Variants in PPARGC1B observed in about 807,000 individuals in gnomAD.
PPARGC1B encodes PPARG coactivator 1 beta, also known as peroxisome proliferator-activated receptor gamma coactivator 1-beta.
A neutral mutation model predicts 101.6 loss-of-function variants in PPARGC1B; 34 were observed. That is an observed-to-expected ratio of 0.33 (90% CI 0.25 to 0.45). The LOEUF is 0.45. Ranked by LOEUF, PPARGC1B falls within the 20% of genes least tolerant of loss-of-function variation. The pLI is 1.00. For synonymous variants in PPARGC1B, 548 were observed against 539.3 expected (o/e 1.02, Z -0.22); for missense variants, 1,234 against 1,317.6 (o/e 0.94, Z 0.98).
Position 149,730,395 on chromosome 5 carries a change from T to G in PPARGC1B, c.53T>G (p.Phe18Cys), listed in dbSNP as rs781331823. Residue 18 changes from phenylalanine (F) to cysteine (C), a missense_variant, in exon 1 of 12, where the codon TTC becomes TGC. This residue lies in a region of PPARGC1B where 734 missense variants were observed against 768.4 expected (regional missense o/e 0.96). Transcript: ENST00000309241. The surrounding 1 kb of genome is among the most constrained non-coding windows in gnomAD (Gnocchi z 4.0). ...CTGGACGAAGAGCTCTCCTCCTTCT[T>G]CCTCAACTATCTCGCTGACACGCAG... is the stretch of plus-strand genomic sequence containing the variant. Reference protein sequence around the residue: ...ALLDEELSSFFLNYLADTQGG... With the variant: ...ALLDEELSSFCLNYLADTQGG... The G allele has an allele frequency of 6.4e-7, 1 of 1,571,744 alleles. No homozygotes were observed. Among genetic ancestry groups the G allele is most frequent in the South Asian group, 1.2e-5 (1 of 84,642 alleles).
At chr5:149,771,105 T>C (rs977274725) in intron 1 of PPARGC1B, among the ~76,000 whole-genome samples, 1 of 152,080 alleles carries the variant, frequency 6.6e-6, no homozygotes, top group Non-Finnish European at 1.5e-5. Context: ...GAGAGCAGGG[T>C]GAGCGTACAA....
Position 149,833,770 on chromosome 5 carries a change from C to G in PPARGC1B, c.1697C>G (p.Pro566Arg). The change falls in exon 5 of 12, where the codon CCT (proline) becomes CGT (arginine). Residue 566 changes from proline (P) to arginine (R), a missense_variant. Pro to Arg is a moderately radical substitution (Grantham distance 103, BLOSUM62 -2). Around this residue, in one of 3 missense-constraint regions of PPARGC1B, gnomAD observed 734 missense variants for 768.4 expected, o/e 0.96. Coordinates refer to ENST00000309241, the MANE Select transcript of PPARGC1B (RefSeq NM_133263.4). This position sits in a 1 kb window ranked among gnomAD's most constrained non-coding sequence, Gnocchi z 4.1. Reference sequence around the variant, plus strand: ...GAGGACCCCAGCTGCCCGCAGCTCCCTCCCAGAGGTAGTCAGAGTTGGTGG... The same window carrying G: ...GAGGACCCCAGCTGCCCGCAGCTCCGTCCCAGAGGTAGTCAGAGTTGGTGG... The part of the protein sequence containing the change: ...MDEDPSCPQL[P>R]PRDSPRCLML... 6.6e-7 allele frequency: 1 copy of G among 1,523,754 alleles called. No homozygotes were observed. Among genetic ancestry groups the G allele is most frequent in the South Asian group, 1.3e-5 (1 of 77,806 alleles). 94.4% of individuals were successfully genotyped at this position (1,523,754 alleles called of 1,614,324 possible).
chr5:149,740,419 G>A (rs910199621), intron 1 of PPARGC1B, among the ~76,000 whole-genome samples: 22 of 152,212 alleles, frequency 1.4e-4, no homozygotes, highest in African/African-American at 4.1e-4. Flanking sequence ...TCTTCCCTCT[G>A]AGCTCCAGGT....
chr5:149,768,212 T>G (rs997694459), intron 1 of PPARGC1B, among the ~76,000 whole-genome samples: 7 of 152,200 alleles, frequency 4.6e-5, no homozygotes, highest in Non-Finnish European at 8.8e-5. Context: ...GTATGGAGAT[T>G]TGAAGTTGTC....
intron 1 of PPARGC1B, chr5:149,772,052 G>C: frequency 6.5e-7 from 1 of 1,541,168 alleles, no homozygotes; most frequent in South Asian, 1.2e-5. Flanking sequence ...GTGCCAGGCT[G>C]TGCACAGGTG....
At chr5:149,771,371 C>T (rs1756126450) in intron 1 of PPARGC1B, among the ~76,000 whole-genome samples, 1 of 152,166 alleles carries the variant, frequency 6.6e-6, no homozygotes, top group Non-Finnish European at 1.5e-5. Flanking sequence ...CATCTGCAGC[C>T]CAGGTAGGCA....
intron 4 of PPARGC1B, among the ~76,000 whole-genome samples, chr5:149,831,246 TC>T (rs370932077): frequency 1.3e-5 from 2 of 152,058 alleles, no homozygotes; most frequent in Non-Finnish European, 1.5e-5. Context: ...GGATTTTTTT[TC>T]CCCCCTCAGG....
chr5:149,825,639 A>G (rs1758485206), intron 2 of PPARGC1B, among the ~76,000 whole-genome samples: 1 of 152,190 alleles, frequency 6.6e-6, no homozygotes, highest in African/African-American at 2.4e-5. Context: ...ACGCTCTGAA[A>G]TGATCTTGTT....
rs80105111 is a variant in PPARGC1B at position 149,804,163 on chromosome 5, C to T, written c.79-16270C>T. ...AGTGTGAGAGAGACTGCAGCCTTCA[C>T]GATAGTGTGAGGCAGAGATGCCAAA... is the stretch of plus-strand genomic sequence containing the variant. On this transcript the variant is annotated intron_variant, in intron 1 of 11. Transcript: ENST00000309241. Among the ~76,000 whole-genome samples the T allele has an allele frequency of 4.0e-3, 614 of 152,366 alleles. 6 individuals carry two copies. The highest frequency in any genetic ancestry group is 0.031 in the East Asian group (161 of 5,186).
At chr5:149,748,105 C>A (rs1755152984) in intron 1 of PPARGC1B, among the ~76,000 whole-genome samples, 1 of 152,030 alleles carries the variant, frequency 6.6e-6, no homozygotes, top group South Asian at 2.1e-4. Flanking sequence ...GGGGCAGTAC[C>A]AGCCGGTTCC....
intron 1 of PPARGC1B, among the ~76,000 whole-genome samples, chr5:149,769,255 G>A (rs1233903744): frequency 6.6e-6 from 1 of 152,222 alleles, no homozygotes; most frequent in African/African-American, 2.4e-5. Context: ...TGTAAATACA[G>A]ATGAAGCTTT....
intron 1 of PPARGC1B, chr5:149,817,643 TTA>T: frequency 2.2e-6 from 1 of 445,462 alleles, no homozygotes. Context: ...GAGCTGAGTC[TTA>T]TATAACACAG....
At chr5:149,745,691 A>G (rs1324471215) in intron 1 of PPARGC1B, among the ~76,000 whole-genome samples, 2 of 152,126 alleles carry the variant, frequency 1.3e-5, no homozygotes, top group East Asian at 1.9e-4. Context: ...CTTCACATCA[A>G]TCTCATGTCA....
Position 149,730,760 on chromosome 5 carries a change from G to A in PPARGC1B, c.78+340G>A, listed in dbSNP as rs1336647032. On this transcript the variant is annotated intron_variant, in intron 1 of 11. Transcript: ENST00000309241. The surrounding 1 kb of genome is among the most constrained non-coding windows in gnomAD (Gnocchi z 4.0). ...CACGGTGTGGGGTACCCTCAGGCTG[G>A]CGCTGGGTGCTGGAGGCGCGCCGTC... Among the ~76,000 whole-genome samples the A allele has an allele frequency of 6.6e-6, 1 of 152,166 alleles. No homozygotes were observed. Among genetic ancestry groups the A allele is most frequent in the Admixed American group, 6.5e-5 (1 of 15,290 alleles).
At chr5:149,815,315 C>T (rs1758011659) in intron 1 of PPARGC1B, among the ~76,000 whole-genome samples, 1 of 152,058 alleles carries the variant, frequency 6.6e-6, no homozygotes, top group African/African-American at 2.4e-5. Flanking sequence ...TCCAGTATGG[C>T]TAGTGTCCTT....
chr5:149,756,733 C>T (rs1374961805), intron 1 of PPARGC1B, among the ~76,000 whole-genome samples: 1 of 152,024 alleles, frequency 6.6e-6, no homozygotes. Flanking sequence ...TTGAGTAACC[C>T]TAGGAAAATT....
chr5:149,734,595 A>G (rs1244483858), intron 1 of PPARGC1B, among the ~76,000 whole-genome samples: 1 of 152,148 alleles, frequency 6.6e-6, no homozygotes, highest in African/African-American at 2.4e-5. Flanking sequence ...GCTAAAACGA[A>G]TATCTTTTTA....
chr5:149,769,491 T>G (rs564321921), intron 1 of PPARGC1B, among the ~76,000 whole-genome samples: 1 of 152,198 alleles, frequency 6.6e-6, no homozygotes, highest in Non-Finnish European at 1.5e-5. Context: ...GGGGAAGTGC[T>G]TCTCCTTTGG....
At position 149,771,500 on chromosome 5, in the gene PPARGC1B, G is replaced by A. The variant is rs563956492; in HGVS notation, c.78+41080G>A. 2.0e-5 allele frequency among the ~76,000 whole-genome samples: 3 copies of A among 152,334 alleles called. No individual in the cohort carries two copies. In the South Asian group the frequency reaches 6.2e-4, roughly 32 times the overall value. On this transcript the variant is annotated intron_variant, in intron 1 of 11. Coordinates refer to ENST00000309241, the MANE Select transcript of PPARGC1B (RefSeq NM_133263.4). ...GGGCCCTGATTGCCCAGGTCTGAAG[G>A]GCTATGGAGATATTCTAGTCAGGTG...
Sources: allele counts gnomAD v4.1 joint callset (sites outside exome capture counted in the v4.1 genomes callset), GRCh38; gene constraint gnomAD v4.1.1; regional missense constraint gnomAD v4.1.1; non-coding constraint Gnocchi (gnomAD v3.1); transcripts MANE v1.5; gene names NCBI Gene and HGNC (gene_info 2026-07-23, HGNC 2026-07-21).